The following HS2ST1 variants were observed in gnomAD, a reference collection of about 807,000 sequenced individuals.
HS2ST1 encodes the protein 2-O-sulfotransferase.
In HS2ST1, 18 loss-of-function variants were observed where a neutral mutation model predicts 42.9. That is an observed-to-expected ratio of 0.42 (90% CI 0.29 to 0.62). The LOEUF (loss-of-function observed/expected upper bound fraction) is 0.62, where lower values mean the gene tolerates loss of function less well. Among genes scored for constraint, HS2ST1 ranks in the 20% least tolerant of loss-of-function variants. HS2ST1 has a pLI of 0.21. For synonymous variants in HS2ST1, 146 were observed against 152.9 expected, an observed-to-expected ratio of 0.95 and a Z score of 0.33; for missense variants, 334 against 433.8, an observed-to-expected ratio of 0.77 and a Z score of 2.04.
At position 87,035,583 on chromosome 1, in the gene HS2ST1, A is replaced by G. The variant is rs1185531927; in HGVS notation, c.125-37351A>G. Among the ~76,000 whole-genome samples, 3 of 152,104 alleles carry G rather than the reference A, an allele frequency of 2.0e-5. No homozygotes were observed. In the South Asian group the frequency reaches 6.2e-4, roughly 32 times the overall value. On this transcript the variant is annotated intron_variant, in intron 1 of 6. Transcript: ENST00000370550. ...TTTCACTTATAGTGTAGACCATAAT[A>G]TTTGTCAATTTCTTATGCATCTACT...
intron 1 of HS2ST1, among the ~76,000 whole-genome samples, chr1:87,051,797 C>T (rs1473939481): frequency 2.0e-5 from 3 of 151,904 alleles, no homozygotes; most frequent in Admixed American, 1.3e-4. Flanking sequence ...TTTTTTGTTA[C>T]ACAAGACAAA....
intron 3 of HS2ST1, among the ~76,000 whole-genome samples, chr1:87,086,349 GA>G (rs1651814997): frequency 6.6e-6 from 1 of 152,034 alleles, no homozygotes; most frequent in Non-Finnish European, 1.5e-5. Flanking sequence ...GTGTGTGGTT[GA>G]AAAAAATCTA....
At chr1:86,998,188 T>C (rs1040583270) in intron 1 of HS2ST1, among the ~76,000 whole-genome samples, 4 of 152,224 alleles carry the variant, frequency 2.6e-5, no homozygotes, top group African/African-American at 7.2e-5. Context: ...TTTGTTCTTA[T>C]ATATAAACAG....
chr1:86,994,470 A>G (rs1370304260), intron 1 of HS2ST1, among the ~76,000 whole-genome samples: 1 of 152,196 alleles, frequency 6.6e-6, no homozygotes, highest in Non-Finnish European at 1.5e-5. Context: ...CTCTGAGTGT[A>G]GGCCAATTCT....
chr1:87,018,095 C>T (rs1230687860), intron 1 of HS2ST1, among the ~76,000 whole-genome samples: 2 of 150,562 alleles, frequency 1.3e-5, no homozygotes, highest in African/African-American at 4.9e-5. Context: ...CAATGTAACT[C>T]TCACCTCTTT....
At chr1:87,040,770 C>T (rs973356410) in intron 1 of HS2ST1, among the ~76,000 whole-genome samples, 2 of 152,032 alleles carry the variant, frequency 1.3e-5, no homozygotes, top group Admixed American at 6.6e-5. Flanking sequence ...GACTTGGTAG[C>T]ACAGAATATC....
intron 1 of HS2ST1, among the ~76,000 whole-genome samples, chr1:86,962,849 C>G (rs1647888354): frequency 1.3e-5 from 2 of 152,004 alleles, no homozygotes; most frequent in East Asian, 1.9e-4. Context: ...CAAGCATTCT[C>G]TAAAAGATAT....
At chr1:87,001,523 C>T (rs1649282501) in intron 1 of HS2ST1, among the ~76,000 whole-genome samples, 1 of 152,158 alleles carries the variant, frequency 6.6e-6, no homozygotes, top group Non-Finnish European at 1.5e-5. Flanking sequence ...AAAGAGCCTT[C>T]TAGAACTTTA....
chr1:86,924,670 A>G (rs536111947), intron 1 of HS2ST1, among the ~76,000 whole-genome samples: 3 of 152,306 alleles, frequency 2.0e-5, no homozygotes, highest in African/African-American at 7.2e-5. Context: ...CCCGAGCTCT[A>G]CGTTGGCCCT....
At chr1:86,984,651 A>T (rs1473546090) in intron 1 of HS2ST1, among the ~76,000 whole-genome samples, 4 of 151,926 alleles carry the variant, frequency 2.6e-5, no homozygotes, top group African/African-American at 9.7e-5. Flanking sequence ...TTGGGAGGCC[A>T]GAGGTGGGCA....
intron 1 of HS2ST1, among the ~76,000 whole-genome samples, chr1:86,953,926 C>T (rs2102189370): frequency 6.6e-6 from 1 of 150,716 alleles, no homozygotes; most frequent in African/African-American, 2.4e-5. Flanking sequence ...AATGGCTGGT[C>T]TGCGGAACAG....
chr1:87,031,575 G>C (rs1650238939), intron 1 of HS2ST1, among the ~76,000 whole-genome samples: 1 of 152,172 alleles, frequency 6.6e-6, no homozygotes, highest in African/African-American at 2.4e-5. Context: ...TAGTTTGGTT[G>C]CATTCTTTTT....
At chr1:86,995,989 C>A (rs1468997887) in intron 1 of HS2ST1, among the ~76,000 whole-genome samples, 2 of 151,964 alleles carry the variant, frequency 1.3e-5, no homozygotes, top group African/African-American at 4.8e-5. Context: ...CCTAGATCAA[C>A]ATATTGGATA....
intron 1 of HS2ST1, among the ~76,000 whole-genome samples, chr1:87,006,095 G>T (rs184764023): frequency 2.6e-4 from 40 of 152,188 alleles, no homozygotes; most frequent in Admixed American, 1.6e-3. Context: ...AAAAATTTTT[G>T]TGAAAATCTT....
chr1:86,963,615 T>C (rs941952522), intron 1 of HS2ST1, among the ~76,000 whole-genome samples: 1 of 152,156 alleles, frequency 6.6e-6, no homozygotes, highest in East Asian at 1.9e-4. Context: ...TTCCCCCTTT[T>C]CTATTCAACA....
At chr1:87,052,747 G>A (rs555486352) in intron 1 of HS2ST1, among the ~76,000 whole-genome samples, 10 of 152,264 alleles carry the variant, frequency 6.6e-5, no homozygotes, top group South Asian at 2.1e-4. Context: ...ATACCATTAC[G>A]TTGTTTTTCA....
At chr1:87,033,849 G>A (rs909276311) in intron 1 of HS2ST1, among the ~76,000 whole-genome samples, 14 of 152,100 alleles carry the variant, frequency 9.2e-5, no homozygotes, top group Non-Finnish European at 2.9e-5. Flanking sequence ...CGGCCTTAAA[G>A]TGGTAAATTT....
intron 1 of HS2ST1, among the ~76,000 whole-genome samples, chr1:87,066,238 CG>C (rs1651247204): frequency 6.6e-6 from 1 of 152,164 alleles, no homozygotes; most frequent in Non-Finnish European, 1.5e-5. Context: ...TAATCTGACA[CG>C]TGGAAAAGCA....
chr1:86,997,020 G>T (rs1649121166), intron 1 of HS2ST1, among the ~76,000 whole-genome samples: 2 of 152,070 alleles, frequency 1.3e-5, no homozygotes, highest in Admixed American at 6.6e-5. Context: ...GTGTAGGTTC[G>T]ACTTGAGGGT....
Sources: allele counts gnomAD v4.1 joint callset (sites outside exome capture counted in the v4.1 genomes callset), GRCh38; gene constraint gnomAD v4.1.1; transcripts MANE v1.5; gene names NCBI Gene and HGNC (gene_info 2026-07-23, HGNC 2026-07-21).